The following MYPN variants were observed in gnomAD, a reference collection of about 807,000 sequenced individuals.
The protein encoded by MYPN is myopalladin, also known as sarcomeric protein myopalladin, 145 kDa (MYOP).
MYPN carries 63 observed loss-of-function variants against 129.4 expected under a neutral mutation model. The ratio of observed to expected loss-of-function variants is 0.49; its 90% CI spans 0.40 to 0.60. The LOEUF (loss-of-function observed/expected upper bound fraction) is 0.60, where lower values mean the gene tolerates loss of function less well. Among genes scored for constraint, MYPN ranks in the 20% least tolerant of loss-of-function variants. The pLI is 0.00. For synonymous variants in MYPN, 629 were observed against 600.9 expected, an observed-to-expected ratio of 1.05 and a Z score of -0.68; for missense variants, 1,596 against 1,635.4, an observed-to-expected ratio of 0.98 and a Z score of 0.42.
At chr10:68,091,167 G>C (rs2041929541) in intron 1 of MYPN, among the ~76,000 whole-genome samples, 1 of 151,990 alleles carries the variant, frequency 6.6e-6, no homozygotes, top group Non-Finnish European at 1.5e-5. Flanking sequence ...GCATGGACTG[G>C]AGAAAGGCAG....
Position 68,211,551 on chromosome 10 carries a change from G to A in MYPN, c.*1096G>A, listed in dbSNP as rs1448554487. On this transcript the variant is annotated 3_prime_UTR_variant, in exon 20 of 20. Transcript: ENST00000358913. Reference sequence around the variant, plus strand: ...ATATTCTGCTAGGTGGAAAAGTTGGGAGAAAGGGGAATATGCATCTTTATT... The same window carrying A: ...ATATTCTGCTAGGTGGAAAAGTTGGAAGAAAGGGGAATATGCATCTTTATT... 4.4e-6 allele frequency: 2 copies of A among 453,960 alleles called. No homozygotes were observed. Among genetic ancestry groups the A allele is most frequent in the Non-Finnish European group, 8.8e-6 (2 of 226,798 alleles). 28.1% of individuals were successfully genotyped at this position (453,960 alleles called of 1,614,324 possible).
chr10:68,100,796 C>T (rs1044367131), intron 1 of MYPN, among the ~76,000 whole-genome samples: 1 of 152,076 alleles, frequency 6.6e-6, no homozygotes, highest in Non-Finnish European at 1.5e-5. Flanking sequence ...ATCCATTGAG[C>T]CAAATGCACA....
intron 7 of MYPN, among the ~76,000 whole-genome samples, chr10:68,161,219 G>C (rs570305306): frequency 2.4e-4 from 36 of 152,306 alleles, no homozygotes; most frequent in African/African-American, 7.9e-4. Flanking sequence ...TCTTGGGCAA[G>C]GCACAGTGGC....
At chr10:68,172,260 C>T (rs564270189) in intron 10 of MYPN, among the ~76,000 whole-genome samples, 1 of 152,130 alleles carries the variant, frequency 6.6e-6, no homozygotes, top group Non-Finnish European at 1.5e-5. Context: ...GAGGCTAAGG[C>T]AGGAGGATCA....
At chr10:68,188,329 C>T (rs1384009123) in intron 12 of MYPN, among the ~76,000 whole-genome samples, 1 of 151,708 alleles carries the variant, frequency 6.6e-6, no homozygotes, top group African/African-American at 2.4e-5. Context: ...AGGCTGGTCT[C>T]GAATTCCTGG....
intron 1 of MYPN, among the ~76,000 whole-genome samples, chr10:68,099,209 G>C (rs958255558): frequency 2.0e-5 from 3 of 152,054 alleles, no homozygotes; most frequent in Non-Finnish European, 4.4e-5. Context: ...ACCCTCATTA[G>C]ACTAAATTAA....
chr10:68,146,423 C>G (rs890847710), intron 4 of MYPN, among the ~76,000 whole-genome samples: 1 of 152,138 alleles, frequency 6.6e-6, no homozygotes, highest in Non-Finnish European at 1.5e-5. Flanking sequence ...CCTTGTGGCT[C>G]CCATAATGTG....
intron 6 of MYPN, among the ~76,000 whole-genome samples, chr10:68,156,652 C>T (rs1006447391): frequency 5.9e-5 from 9 of 152,200 alleles, no homozygotes; most frequent in Admixed American, 2.0e-4. Flanking sequence ...TCCCCAGCCC[C>T]ATATTCTCCT....
chr10:68,192,176 C>A (rs928075104), intron 13 of MYPN, among the ~76,000 whole-genome samples: 1 of 152,152 alleles, frequency 6.6e-6, no homozygotes, highest in African/African-American at 2.4e-5. Context: ...GTTCCTTCTA[C>A]ACTCAATTTG....
intron 10 of MYPN, among the ~76,000 whole-genome samples, chr10:68,169,315 G>A (rs1435183574): frequency 6.7e-6 from 1 of 150,020 alleles, no homozygotes; most frequent in Non-Finnish European, 1.5e-5. Flanking sequence ...CCAAGATCGC[G>A]TTACTGCACT....
intron 13 of MYPN, among the ~76,000 whole-genome samples, chr10:68,193,938 AC>A (rs1395060164): frequency 6.6e-6 from 1 of 152,120 alleles, no homozygotes; most frequent in Non-Finnish European, 1.5e-5. Flanking sequence ...AAGCAAGGTG[AC>A]TTGTTCTAAG....
chr10:68,111,930 GA>G (rs2042087658), intron 1 of MYPN, among the ~76,000 whole-genome samples: 1 of 152,158 alleles, frequency 6.6e-6, no homozygotes, highest in African/African-American at 2.4e-5. Flanking sequence ...TTTAATTAGG[GA>G]AGTTAGCTTT....
intron 12 of MYPN, among the ~76,000 whole-genome samples, chr10:68,184,693 AGAC>A (rs2043392572): frequency 6.6e-6 from 1 of 152,250 alleles, no homozygotes; most frequent in Admixed American, 6.5e-5. Context: ...GGCGGGCAGC[AGAC>A]AACAGCAGGG....
chr10:68,153,086 A>G (rs1456954303), intron 6 of MYPN, among the ~76,000 whole-genome samples: 1 of 151,212 alleles, frequency 6.6e-6, no homozygotes, highest in East Asian at 1.9e-4. Flanking sequence ...CCTGGGTTCA[A>G]GCGATTCTCA....
chr10:68,210,181 A>G, intron 19 of MYPN, 105 bp from the exon 20 acceptor site: 1 of 1,328,704 alleles, frequency 7.5e-7, no homozygotes, highest in Non-Finnish European at 1.1e-6. Flanking sequence ...ATGCTTTACC[A>G]AGAATGCTCA....
intron 18 of MYPN, among the ~76,000 whole-genome samples, chr10:68,202,441 GA>G (rs56044056): frequency 0.06 from 8,864 of 146,972 alleles, 302 homozygotes; most frequent in African/African-American, 0.08. Flanking sequence ...TCAAAAAAAA[GA>G]AAAAAAAAAG....
chr10:68,123,581 G>A (rs2042282339), intron 2 of MYPN, among the ~76,000 whole-genome samples: 1 of 149,852 alleles, frequency 6.7e-6, no homozygotes, highest in Non-Finnish European at 1.5e-5. Context: ...AGCTACTTGA[G>A]AGGCTGAGGC....
chr10:68,140,494 G>A (rs961566835), intron 2 of MYPN, among the ~76,000 whole-genome samples: 2 of 150,818 alleles, frequency 1.3e-5, no homozygotes, highest in African/African-American at 5.0e-5. Flanking sequence ...GTATTTGCAT[G>A]ACATAGTATA....
intron 12 of MYPN, among the ~76,000 whole-genome samples, chr10:68,187,866 C>T (rs1014291315): frequency 6.6e-5 from 10 of 152,112 alleles, no homozygotes; most frequent in African/African-American, 2.4e-4. Flanking sequence ...GTGTCTAATG[C>T]TGCTTAGATC....
Sources: gnomAD v4.1 joint callset for allele counts (sites outside exome capture counted in the v4.1 genomes callset) on GRCh38, gnomAD v4.1.1 for gene constraint, MANE v1.5 for transcripts, NCBI Gene and HGNC (gene_info 2026-07-23, HGNC 2026-07-21) for gene names.